C10orf90: variants seen among roughly 807,000 people sequenced by gnomAD.
The protein encoded by C10orf90 is (E2-independent) E3 ubiquitin-conjugating enzyme FATS.
C10orf90 carries 56 observed loss-of-function variants against 62.5 expected under a neutral mutation model. The ratio of observed to expected loss-of-function variants is 0.90; its 90% CI spans 0.72 to 1.12. The LOEUF (loss-of-function observed/expected upper bound fraction) is 1.12. Among genes scored for constraint, C10orf90 ranks in the 50% most tolerant of loss-of-function variants. The pLI is 0.00. For missense variants in C10orf90, 970 were observed against 880.4 expected (o/e 1.10, Z -1.29); for synonymous variants, 386 against 340.4 (o/e 1.13, Z -1.47).
At chr10:126,621,173 C>T (rs1395620885) in intron 2 of C10orf90, among the ~76,000 whole-genome samples, 8 of 152,114 alleles carry the variant, frequency 5.3e-5, no homozygotes, top group African/African-American at 1.9e-4. Flanking sequence ...ATTCTGTTTT[C>T]CCAGTGGACT....
At chr10:126,564,146 C>T (rs1361440310) in intron 2 of C10orf90, among the ~76,000 whole-genome samples, 1 of 152,138 alleles carries the variant, frequency 6.6e-6, no homozygotes, top group African/African-American at 2.4e-5. Flanking sequence ...GGCTCTAGAC[C>T]ACAGGCCCTG....
At chr10:126,627,479 T>G (rs1168296021) in intron 2 of C10orf90, among the ~76,000 whole-genome samples, 3 of 151,956 alleles carry the variant, frequency 2.0e-5, no homozygotes, top group Non-Finnish European at 4.4e-5. Flanking sequence ...ACGTCTTGAT[T>G]GTCTCTGTGG....
Position 126,565,139 on chromosome 10 carries a change from A to T in C10orf90, c.314-51200T>A, listed in dbSNP as rs866504615. ...ATTATATAATATATAATATAAATAT[A>T]ATATTAAATATGTAATATAATATTT... On this transcript the variant is annotated intron_variant, in intron 2 of 9. Transcript: ENST00000488181. Among the ~76,000 whole-genome samples the T allele has an allele frequency of 7.7e-4, 17 of 22,190 alleles. 1 individual carries two copies. Among genetic ancestry groups the T allele is most frequent in the Admixed American group, 2.7e-3 (3 of 1,128 alleles). The allele number at this position is 22,190 out of a possible 152,430, so 14.6% of individuals were successfully genotyped here.
At position 126,456,994 on chromosome 10, in the gene C10orf90, T is replaced by G. The variant is rs1463882797; in HGVS notation, c.2188+2046A>C. ...TTTGTTTTTGTTTTTGCTTTTGTAT[T>G]TTGCTTTTTCTGAGACAGGGTCTTG... is the stretch of plus-strand genomic sequence containing the variant. On this transcript the variant is annotated intron_variant, in intron 7 of 9. Transcript: ENST00000488181. The surrounding 1 kb of genome is among the most constrained non-coding windows in gnomAD (Gnocchi z 4.9). Among the ~76,000 whole-genome samples, 2 of 152,132 alleles carry G rather than the reference T, an allele frequency of 1.3e-5. No individual in the cohort carries two copies. Among genetic ancestry groups the G allele is most frequent in the Non-Finnish European group, 2.9e-5 (2 of 68,028 alleles).
At chr10:126,429,750 C>G in intron 8 of C10orf90, 37 bp downstream of exon 8, 1 of 1,596,350 alleles carries the variant, frequency 6.3e-7, no homozygotes, top group South Asian at 1.1e-5. Context: ...CTACTCCCCC[C>G]ACCAACTTCT....
At chr10:126,620,730 T>C (rs1405183507) in intron 2 of C10orf90, among the ~76,000 whole-genome samples, 1 of 150,414 alleles carries the variant, frequency 6.6e-6, no homozygotes, top group East Asian at 1.9e-4. Context: ...TTTTTACTGG[T>C]CAGTGGGGGC....
At chr10:126,543,289 G>A (rs1031656039) in intron 2 of C10orf90, among the ~76,000 whole-genome samples, 1 of 152,130 alleles carries the variant, frequency 6.6e-6, no homozygotes, top group Admixed American at 6.5e-5. Flanking sequence ...AACCGTCTGT[G>A]CACCTCTGTT....
At chr10:126,523,241 T>G (rs565131854) in intron 2 of C10orf90, among the ~76,000 whole-genome samples, 1 of 152,056 alleles carries the variant, frequency 6.6e-6, no homozygotes, top group East Asian at 1.9e-4. Flanking sequence ...GTGGCTGGAG[T>G]GTGGGTCTCT....
chr10:126,535,173 G>A (rs1205926901), intron 2 of C10orf90, among the ~76,000 whole-genome samples: 1 of 150,872 alleles, frequency 6.6e-6, no homozygotes, highest in East Asian at 1.9e-4. Flanking sequence ...GTGTGTGTAT[G>A]TTTAGAGAGA....
At chr10:126,611,457 G>A (rs1591142872) in intron 2 of C10orf90, among the ~76,000 whole-genome samples, 1 of 96,940 alleles carries the variant, frequency 1.0e-5, no homozygotes. Context: ...GCTGCTATTT[G>A]GAACATTTGT....
Position 126,527,220 on chromosome 10 carries a change from G to A in C10orf90, c.314-13281C>T, listed in dbSNP as rs372024958. On this transcript the variant is annotated intron_variant, in intron 2 of 9. Coordinates refer to ENST00000488181, the MANE Select transcript of C10orf90 (RefSeq NM_001350921.2). ...TCATTTTTCGCCAGCCTTCCTCACA[G>A]TTGTTATTGTCGTCTTTTGGATTAT... Among the ~76,000 whole-genome samples, 5 of 152,188 alleles carry A rather than the reference G, an allele frequency of 3.3e-5. No individual in the cohort carries two copies. In the South Asian group the frequency reaches 8.3e-4, roughly 25 times the overall value.
intron 2 of C10orf90, among the ~76,000 whole-genome samples, chr10:126,567,710 G>T (rs1286011357): frequency 6.6e-6 from 1 of 152,158 alleles, no homozygotes; most frequent in African/African-American, 2.4e-5. Flanking sequence ...AGCCAAGCAA[G>T]GTGGGGACAC....
chr10:126,431,825 C>G (rs1035338132), intron 7 of C10orf90, among the ~76,000 whole-genome samples: 1 of 152,036 alleles, frequency 6.6e-6, no homozygotes, highest in African/African-American at 2.4e-5. Context: ...TTTAGAGCAC[C>G]TGATACCACA....
chr10:126,558,671 G>A lies in C10orf90; in HGVS notation c.314-44732C>T, dbSNP rs146698697. On this transcript the variant is annotated intron_variant, in intron 2 of 9. Coordinates refer to ENST00000488181, the MANE Select transcript of C10orf90 (RefSeq NM_001350921.2). The stretch of plus-strand genomic sequence containing the variant: ...CCTTGCTCTGTGGCCCTCAGCATCC[G>A]TTCCATTTGTGGCTCCCATGTCAAA... Among the ~76,000 whole-genome samples, 503 of 152,328 alleles carry A rather than the reference G, an allele frequency of 3.3e-3. 4 individuals carry two copies. Among genetic ancestry groups the A allele is most frequent in the African/African-American group, 0.011 (474 of 41,568 alleles).
At chr10:126,493,746 C>T (rs1861887657) in intron 4 of C10orf90, among the ~76,000 whole-genome samples, 1 of 152,182 alleles carries the variant, frequency 6.6e-6, no homozygotes, top group Admixed American at 6.5e-5. Context: ...CCTTTCTAAG[C>T]AACATTTCAG....
chr10:126,642,026 T>C (rs1168493755), intron 2 of C10orf90, among the ~76,000 whole-genome samples: 2 of 152,178 alleles, frequency 1.3e-5, no homozygotes, highest in Non-Finnish European at 2.9e-5. Flanking sequence ...GCTTGGGCTC[T>C]ATGCACCCTG....
chr10:126,573,133 G>A lies in C10orf90; in HGVS notation c.314-59194C>T, dbSNP rs148185968. 3.3e-3 allele frequency among the ~76,000 whole-genome samples: 502 copies of A among 152,252 alleles called. 3 individuals are homozygous for A. The highest frequency in any genetic ancestry group is 0.012 in the African/African-American group (493 of 41,556). ...TCCAAAAACCGAGCTCCCCAAGTGAGCAATTCCTGTCCCTTTTAAGGGCTT... is the reference window on the plus strand; with the variant it reads ...TCCAAAAACCGAGCTCCCCAAGTGAACAATTCCTGTCCCTTTTAAGGGCTT... On this transcript the variant is annotated intron_variant, in intron 2 of 9. Coordinates refer to ENST00000488181, the MANE Select transcript of C10orf90 (RefSeq NM_001350921.2).
At chr10:126,436,811 TTTG>T (rs1857951229) in intron 7 of C10orf90, among the ~76,000 whole-genome samples, 2 of 151,990 alleles carry the variant, frequency 1.3e-5, no homozygotes, top group South Asian at 2.1e-4. Flanking sequence ...TTTTGTTGTT[TTTG>T]TTGTTGTTAT....
At chr10:126,469,767 G>C (rs1160595605) in intron 4 of C10orf90, 1 of 413,122 alleles carries the variant, frequency 2.4e-6, no homozygotes, top group South Asian at 1.8e-5. Context: ...TTCTCTTCCA[G>C]CAAGCTCTAT....
Sources: allele counts gnomAD v4.1 joint callset (sites outside exome capture counted in the v4.1 genomes callset), GRCh38; gene constraint gnomAD v4.1.1; non-coding constraint Gnocchi (gnomAD v3.1); transcripts MANE v1.5; gene names NCBI Gene and HGNC (gene_info 2026-07-23, HGNC 2026-07-21).